Variants in CDH4 observed in about 807,000 individuals in gnomAD.
The protein encoded by CDH4 is cadherin 4, also known as cadherin-4.
CDH4 carries 33 observed loss-of-function variants against 86.0 expected under a neutral mutation model. The ratio of observed to expected loss-of-function variants is 0.38; its 90% CI spans 0.29 to 0.51. CDH4 has a LOEUF of 0.51. Among genes scored for constraint, CDH4 ranks in the 20% least tolerant of loss-of-function variants. The pLI is 0.86. For synonymous variants in CDH4, 555 were observed against 549.4 expected, an observed-to-expected ratio of 1.01 and a Z score of -0.14; for missense variants, 1,114 against 1,307.4, an observed-to-expected ratio of 0.85 and a Z score of 2.28.
At position 61,802,222 on chromosome 20, in the gene CDH4, G is replaced by A. The variant is rs143076294; in HGVS notation, c.576+29040G>A. On this transcript the variant is annotated intron_variant, in intron 4 of 15. Coordinates refer to ENST00000614565, the MANE Select transcript of CDH4 (RefSeq NM_001794.5). Reference sequence around the variant, plus strand: ...CCCCTGTGGCAGCCCCAGAAAGGGCGCTACACACCCTGATCATGCTCTGTT... The same window carrying A: ...CCCCTGTGGCAGCCCCAGAAAGGGCACTACACACCCTGATCATGCTCTGTT... Among the ~76,000 whole-genome samples, 538 of 152,306 alleles carry A rather than the reference G, an allele frequency of 3.5e-3. 3 individuals carry two copies. The highest frequency in any genetic ancestry group is 6.0e-3 in the Non-Finnish European group (407 of 68,020).
At chr20:61,696,596 G>T (rs777878458) in intron 2 of CDH4, among the ~76,000 whole-genome samples, 1 of 152,204 alleles carries the variant, frequency 6.6e-6, no homozygotes, top group Non-Finnish European at 1.5e-5. Context: ...GGGTCAGGGA[G>T]GGCAGGAGCT....
intron 2 of CDH4, among the ~76,000 whole-genome samples, chr20:61,620,432 A>G (rs530250027): frequency 1.3e-5 from 2 of 151,966 alleles, no homozygotes; most frequent in South Asian, 4.2e-4. Flanking sequence ...TGGATAGATA[A>G]TAGATGCTTG....
intron 2 of CDH4, among the ~76,000 whole-genome samples, chr20:61,618,023 T>C (rs910377522): frequency 6.6e-6 from 1 of 152,190 alleles, no homozygotes; most frequent in African/African-American, 2.4e-5. Context: ...GATGTGCCTT[T>C]CACCTTCTGC....
intron 5 of CDH4, among the ~76,000 whole-genome samples, chr20:61,850,343 C>G (rs995809238): frequency 2.0e-5 from 3 of 152,220 alleles, no homozygotes; most frequent in Admixed American, 2.0e-4. Context: ...ACGCACGGTG[C>G]GTGTTGGCTG....
chr20:61,733,163 T>C (rs564267020), intron 2 of CDH4, among the ~76,000 whole-genome samples: 69 of 152,232 alleles, frequency 4.5e-4, no homozygotes, highest in African/African-American at 1.6e-3. Context: ...GGACGCTAGG[T>C]GCTCAGTTGC....
intron 3 of CDH4, among the ~76,000 whole-genome samples, chr20:61,772,028 G>A (rs1448666499): frequency 6.6e-6 from 1 of 152,234 alleles, no homozygotes; most frequent in African/African-American, 2.4e-5. Flanking sequence ...AGCAGCAGGA[G>A]CTGCATCAGT....
At chr20:61,673,608 G>A (rs768747020) in intron 2 of CDH4, among the ~76,000 whole-genome samples, 9 of 152,192 alleles carry the variant, frequency 5.9e-5, no homozygotes, top group South Asian at 2.1e-4. Flanking sequence ...CCAGAAGGCC[G>A]CCCGTTCTTG....
intron 6 of CDH4, among the ~76,000 whole-genome samples, chr20:61,871,726 A>G (rs2146145772): frequency 6.6e-6 from 1 of 152,316 alleles, no homozygotes; most frequent in Middle Eastern, 3.4e-3. Context: ...CTAGTTCCAG[A>G]GGCTGATGGT....
chr20:61,587,303 GCT>G (rs2086485182), intron 2 of CDH4, among the ~76,000 whole-genome samples: 1 of 152,082 alleles, frequency 6.6e-6, no homozygotes, highest in South Asian at 2.1e-4. Flanking sequence ...CAAGGGGGAT[GCT>G]CTTTCTTTCT....
At chr20:61,354,401 C>T (rs1041436908) in intron 2 of CDH4, among the ~76,000 whole-genome samples, 1 of 152,206 alleles carries the variant, frequency 6.6e-6, no homozygotes, top group Non-Finnish European at 1.5e-5. Context: ...CAAGGGCTCT[C>T]GAGATGGCCA....
At chr20:61,411,712 C>A (rs1408195111) in intron 2 of CDH4, among the ~76,000 whole-genome samples, 1 of 152,182 alleles carries the variant, frequency 6.6e-6, no homozygotes, top group Non-Finnish European at 1.5e-5. Flanking sequence ...ATGAGCAGTG[C>A]CTGCTGGGCC....
chr20:61,742,370 G>A (rs992231594), intron 2 of CDH4, among the ~76,000 whole-genome samples: 25 of 152,188 alleles, frequency 1.6e-4, no homozygotes, highest in African/African-American at 5.3e-4. Flanking sequence ...CATTGGCTGG[G>A]AAGATATCTA....
At chr20:61,637,009 TCCAGCAAAG>T (rs2086954227) in intron 2 of CDH4, among the ~76,000 whole-genome samples, 1 of 152,178 alleles carries the variant, frequency 6.6e-6, no homozygotes, top group Non-Finnish European at 1.5e-5. Flanking sequence ...TGGACTCCAG[TCCAGCAAAG>T]GTTCCTGGGT....
At chr20:61,541,207 C>T (rs573103251) in intron 2 of CDH4, among the ~76,000 whole-genome samples, 45 of 152,246 alleles carry the variant, frequency 3.0e-4, no homozygotes, top group Non-Finnish European at 5.9e-4. Context: ...TGTTGAATCC[C>T]GGCTCATGTG....
rs554518037 is a variant in CDH4, at chr20:61,649,192, C to G, written c.170-94371C>G. Among the ~76,000 whole-genome samples, 3 of 152,308 alleles carry G rather than the reference C, an allele frequency of 2.0e-5. No homozygotes were observed. In the South Asian group the frequency reaches 6.2e-4, roughly 32 times the overall value. ...TGGGCTCTTCCCCCTTCTATGGCTG[C>G]CAGATTCCAACTACATCAAGGGCGA... On this transcript the variant is annotated intron_variant, in intron 2 of 15. Transcript: ENST00000614565.
chr20:61,676,857 G>C lies in CDH4; in HGVS notation c.170-66706G>C, dbSNP rs891376276. Among the ~76,000 whole-genome samples the C allele has an allele frequency of 2.6e-5, 4 of 152,150 alleles. No homozygotes were observed. ...GGGGAGGTCAGGGGAGGCCTGGCTG[G>C]GTGGCCTTTGCCAGGGGAGGCCTGA... On this transcript the variant is annotated intron_variant, in intron 2 of 15. Coordinates refer to ENST00000614565, the MANE Select transcript of CDH4 (RefSeq NM_001794.5). The surrounding 1 kb of genome is among the most constrained non-coding windows in gnomAD (Gnocchi z 4.5).
intron 2 of CDH4, among the ~76,000 whole-genome samples, chr20:61,468,735 T>C (rs1160222607): frequency 1.3e-5 from 2 of 152,196 alleles, no homozygotes; most frequent in East Asian, 3.9e-4. Context: ...CTAGTAACCA[T>C]TCTTCTACTC....
intron 6 of CDH4, among the ~76,000 whole-genome samples, chr20:61,872,638 C>T (rs889024399): frequency 1.6e-4 from 25 of 152,212 alleles, no homozygotes; most frequent in African/African-American, 5.5e-4. Context: ...GCCGGGCACC[C>T]GAGCTTCCAG....
intron 8 of CDH4, among the ~76,000 whole-genome samples, chr20:61,906,495 A>G (rs2054789718): frequency 6.6e-6 from 1 of 152,242 alleles, no homozygotes; most frequent in Non-Finnish European, 1.5e-5. Context: ...CAGAAGCTAC[A>G]GAGGGCTGCC....
Sources: allele counts gnomAD v4.1 joint callset (sites outside exome capture counted in the v4.1 genomes callset), GRCh38; gene constraint gnomAD v4.1.1; non-coding constraint Gnocchi (gnomAD v3.1); transcripts MANE v1.5; gene names NCBI Gene and HGNC (gene_info 2026-07-23, HGNC 2026-07-21).